The following CTBP2 variants were observed in gnomAD, a reference collection of about 807,000 sequenced individuals.
CTBP2 encodes C-terminal binding protein 2.
A neutral mutation model predicts 80.3 loss-of-function variants in CTBP2; 30 were observed. The ratio of observed to expected loss-of-function variants is 0.37; its 90% CI spans 0.28 to 0.51. The LOEUF (loss-of-function observed/expected upper bound fraction) is 0.51, where lower values mean the gene tolerates loss of function less well. Ranked by LOEUF, CTBP2 falls within the 20% of genes least tolerant of loss-of-function variation. The pLI, the probability that CTBP2 is intolerant of heterozygous loss-of-function variation, is 0.93. For synonymous variants in CTBP2, 594 were observed against 587.4 expected, an observed-to-expected ratio of 1.01 and a Z score of -0.16; for missense variants, 1,212 against 1,375.3, an observed-to-expected ratio of 0.88 and a Z score of 1.88.
intron 1 of CTBP2, among the ~76,000 whole-genome samples, chr10:125,118,047 G>C (rs1196198307): frequency 6.6e-6 from 1 of 152,234 alleles, no homozygotes; most frequent in Non-Finnish European, 1.5e-5. Context: ...CAACAGCCAA[G>C]ATTTTAGAAC....
exon 3 of CTBP2, chr10:125,039,045 C>T: frequency 6.2e-7 from 1 of 1,612,670 alleles, no homozygotes; most frequent in Non-Finnish European, 8.5e-7. Flanking sequence ...TGCTTATCCA[C>T]AAGGGCCATT....
At chr10:125,089,012 C>T (rs1358500359) in intron 2 of CTBP2, among the ~76,000 whole-genome samples, 2 of 152,120 alleles carry the variant, frequency 1.3e-5, no homozygotes, top group East Asian at 1.9e-4. Flanking sequence ...AATTCGGTTG[C>T]GAAGATATAA....
intron 2 of CTBP2, among the ~76,000 whole-genome samples, chr10:125,040,615 C>T (rs1199100688): frequency 3.3e-5 from 5 of 151,626 alleles, no homozygotes; most frequent in Admixed American, 6.6e-5. Context: ...CACACACACA[C>T]ACACACACAC....
At chr10:125,098,674 G>C (rs867423863) in intron 2 of CTBP2, among the ~76,000 whole-genome samples, 7 of 116,430 alleles carry the variant, frequency 6.0e-5, no homozygotes, top group Admixed American at 3.2e-4. Context: ...GAGAGAGAGA[G>C]AGAGAGAGAG....
chr10:125,121,963 C>T (rs1397365241), intron 1 of CTBP2, among the ~76,000 whole-genome samples: 1 of 152,192 alleles, frequency 6.6e-6, no homozygotes, highest in Admixed American at 6.5e-5. Context: ...GAGAGAAAAG[C>T]CAAACTCCAG....
chr10:125,014,770 A>G (rs1956302452), intron 1 of CTBP2, among the ~76,000 whole-genome samples: 1 of 152,222 alleles, frequency 6.6e-6, no homozygotes, highest in Non-Finnish European at 1.5e-5. Flanking sequence ...AGTTTCACCC[A>G]GTTCTGAGCC....
At chr10:125,142,844 T>A (rs1230861519) in intron 1 of CTBP2, among the ~76,000 whole-genome samples, 1 of 152,152 alleles carries the variant, frequency 6.6e-6, no homozygotes, top group Non-Finnish European at 1.5e-5. Flanking sequence ...TCGCAGAGGC[T>A]GCCTGAGATG....
chr10:125,105,081 G>C (rs957565898), intron 2 of CTBP2, among the ~76,000 whole-genome samples: 2 of 152,226 alleles, frequency 1.3e-5, no homozygotes, highest in Non-Finnish European at 2.9e-5. Flanking sequence ...GTGCACTGCA[G>C]ACGTGAGCTC....
chr10:125,024,188 C>G lies in CTBP2; in HGVS notation c.1678+1894G>C, dbSNP rs72830847. Among the ~76,000 whole-genome samples, 828 of 152,342 alleles carry G rather than the reference C, an allele frequency of 5.4e-3. 3 individuals carry two copies. Among genetic ancestry groups the G allele is most frequent in the Non-Finnish European group, 9.3e-3 (632 of 68,024 alleles). ...ACTGTACAAAACGTACAGCCATGTA[C>G]ACAGCTGAAGCGCTACCAGGGACGC... On this transcript the variant is annotated intron_variant, in intron 1 of 8. Coordinates refer to ENST00000309035, the MANE Select transcript of CTBP2 (RefSeq NM_022802.3).
chr10:125,024,521 C>A (rs1195569964), intron 1 of CTBP2, among the ~76,000 whole-genome samples: 1 of 152,142 alleles, frequency 6.6e-6, no homozygotes, highest in East Asian at 1.9e-4. Flanking sequence ...CTAAAATAAA[C>A]AGGAAAAAGA....
intron 2 of CTBP2, among the ~76,000 whole-genome samples, chr10:125,109,647 C>T (rs1430519045): frequency 2.6e-5 from 4 of 152,230 alleles, no homozygotes; most frequent in African/African-American, 9.6e-5. Context: ...GACTGAGGGG[C>T]CCCTCTCATA....
chr10:125,020,620 C>T (rs1012876592), intron 1 of CTBP2, among the ~76,000 whole-genome samples: 3 of 152,166 alleles, frequency 2.0e-5, no homozygotes, highest in Non-Finnish European at 2.9e-5. Context: ...CAACAGCAAG[C>T]GCCGACCTCA....
intron 2 of CTBP2, among the ~76,000 whole-genome samples, chr10:125,082,227 C>A (rs1847278235): frequency 6.6e-6 from 1 of 152,250 alleles, no homozygotes. Context: ...ACACTGTCTT[C>A]AAAATCCCCA....
intron 1 of CTBP2, among the ~76,000 whole-genome samples, chr10:125,155,637 G>C (rs1053530513): frequency 6.6e-6 from 1 of 150,812 alleles, no homozygotes; most frequent in African/African-American, 2.4e-5. Context: ...TGGTTCTTAA[G>C]TTTTTAGCAA....
intron 2 of CTBP2, among the ~76,000 whole-genome samples, chr10:125,097,258 G>A (rs1996667): frequency 0.075 from 11,356 of 152,240 alleles, 551 homozygotes; most frequent in Middle Eastern, 0.15. Context: ...GGGGTATAAA[G>A]GTAATATGGA....
At chr10:125,050,560 G>C (rs896402176) in intron 2 of CTBP2, among the ~76,000 whole-genome samples, 1 of 152,032 alleles carries the variant, frequency 6.6e-6, no homozygotes, top group Non-Finnish European at 1.5e-5. Context: ...AGGAGGGTGG[G>C]ACACTCCCGT....
upstream of CTBP2, among the ~76,000 whole-genome samples, chr10:125,030,854 G>T (rs1958100057): frequency 6.6e-6 from 1 of 152,124 alleles, no homozygotes; most frequent in Admixed American, 6.5e-5. Flanking sequence ...TTCCCCAGGG[G>T]GGTCCTGCAC....
intron 2 of CTBP2, among the ~76,000 whole-genome samples, chr10:125,041,504 A>ACCCCCCCCCCCC (rs10559259): frequency 7.7e-5 from 7 of 91,136 alleles, no homozygotes; most frequent in Non-Finnish European, 1.7e-4. Context: ...GTCCATCCCC[A>ACCCCCCCCCCCC]CCCCCCCCCC....
intron 1 of CTBP2, among the ~76,000 whole-genome samples, chr10:125,114,310 G>A (rs1027281989): frequency 1.3e-5 from 2 of 152,140 alleles, no homozygotes; most frequent in Non-Finnish European, 2.9e-5. Context: ...CAACCTGCGT[G>A]AACTTATTAA....
Sources: allele counts gnomAD v4.1 joint callset (sites outside exome capture counted in the v4.1 genomes callset), GRCh38; gene constraint gnomAD v4.1.1; transcripts MANE v1.5; gene names NCBI Gene and HGNC (gene_info 2026-07-23, HGNC 2026-07-21).